The following FAM222B variants were observed in gnomAD, a reference collection of about 807,000 sequenced individuals.
FAM222B encodes the protein protein FAM222B.
In FAM222B, 12 loss-of-function variants were observed where a neutral mutation model predicts 38.0. The observed-to-expected ratio is 0.32, with a 90% CI of 0.20 to 0.51. The LOEUF is 0.51. Ranked by LOEUF, FAM222B falls within the 20% of genes least tolerant of loss-of-function variation. FAM222B has a pLI of 0.97. For synonymous variants in FAM222B, 329 were observed against 317.2 expected (o/e 1.04, Z -0.40); for missense variants, 716 against 754.2 (o/e 0.95, Z 0.59).
intron 1 of FAM222B, among the ~76,000 whole-genome samples, chr17:28,800,853 G>GAA (rs534314851): frequency 0.01 from 1,126 of 110,934 alleles, 13 homozygotes; most frequent in Middle Eastern, 0.036. Flanking sequence ...ACATTTTGTT[G>GAA]AAAAAAAAAA....
rs1403533555 is a variant in FAM222B at position 28,759,612 on chromosome 17, A to C, written c.347T>G (p.Phe116Cys). 6.2e-7 allele frequency: 1 copy of C among 1,612,946 alleles called. No individual in the cohort carries two copies. Among genetic ancestry groups the C allele is most frequent in the East Asian group, 2.2e-5 (1 of 44,856 alleles). Reference sequence around the variant, plus strand: ...GAGCAACCGGGCTCGGGTGCCGTCAAAGTCCTTGAGTATGCTTTTGGCTGG... The same window carrying C: ...GAGCAACCGGGCTCGGGTGCCGTCACAGTCCTTGAGTATGCTTTTGGCTGG... Reference protein sequence around the residue: ...KVPAKSILKDFDGTRARLLPE... With the variant: ...KVPAKSILKDCDGTRARLLPE... The change falls in exon 3 of 3, where the codon TTT (phenylalanine) becomes TGT (cysteine). Residue 116 changes from phenylalanine to cysteine, a missense_variant. By Grantham distance (205) the Phe-to-Cys change is radical. Coordinates refer to ENST00000581407, the MANE Select transcript of FAM222B (RefSeq NM_001077498.3). The surrounding 1 kb of genome is among the most constrained non-coding windows in gnomAD (Gnocchi z 4.8).
chr17:28,840,249 C>T (rs1278797318), intron 1 of FAM222B, among the ~76,000 whole-genome samples: 1 of 151,988 alleles, frequency 6.6e-6, no homozygotes, highest in African/African-American at 2.4e-5. Flanking sequence ...TGCCTGTAAT[C>T]GCAACTACTT....
At chr17:28,771,059 G>T (rs537118132) in intron 1 of FAM222B, among the ~76,000 whole-genome samples, 1 of 149,972 alleles carries the variant, frequency 6.7e-6, no homozygotes, top group Non-Finnish European at 1.5e-5. Flanking sequence ...TCCCTAGCTA[G>T]TAAGAGTCCC....
At chr17:28,767,467 C>CATTT (rs1420877559) in intron 1 of FAM222B, among the ~76,000 whole-genome samples, 2 of 150,224 alleles carry the variant, frequency 1.3e-5, no homozygotes, top group African/African-American at 4.9e-5. Flanking sequence ...CATGAACTTA[C>CATTT]ATTTATTTAC....
chr17:28,851,280 C>A (rs1478494249), intron 1 of FAM222B, among the ~76,000 whole-genome samples: 1 of 151,806 alleles, frequency 6.6e-6, no homozygotes, highest in Non-Finnish European at 1.5e-5. Flanking sequence ...CACCTGTAAG[C>A]CCAGCACTTT....
intron 1 of FAM222B, among the ~76,000 whole-genome samples, chr17:28,838,716 G>A (rs1302902803): frequency 1.3e-5 from 2 of 151,588 alleles, no homozygotes; most frequent in Non-Finnish European, 2.9e-5. Flanking sequence ...AGACTAGCCT[G>A]GCCAACATGG....
At chr17:28,784,425 A>G (rs1047166076) in intron 1 of FAM222B, among the ~76,000 whole-genome samples, 2 of 137,474 alleles carry the variant, frequency 1.5e-5, no homozygotes, top group Non-Finnish European at 3.1e-5. Context: ...GCAGTGTGCC[A>G]TAGTGACACC....
intron 2 of FAM222B, among the ~76,000 whole-genome samples, chr17:28,766,065 A>G (rs906111420): frequency 1.3e-5 from 2 of 152,130 alleles, no homozygotes; most frequent in South Asian, 2.1e-4. Context: ...ATATATATAT[A>G]TATTTCCCCT....
chr17:28,786,110 G>C (rs1324632640), intron 1 of FAM222B, among the ~76,000 whole-genome samples: 1 of 151,964 alleles, frequency 6.6e-6, no homozygotes, highest in African/African-American at 2.4e-5. Context: ...GGGATTACAG[G>C]TGTGAGCCAC....
At chr17:28,824,648 C>G (rs2087866969) in intron 1 of FAM222B, among the ~76,000 whole-genome samples, 1 of 152,208 alleles carries the variant, frequency 6.6e-6, no homozygotes, top group African/African-American at 2.4e-5. Context: ...GTCAACTTCA[C>G]TTCCAAAAGA....
Position 28,759,680 on chromosome 17 carries a change from T to C in FAM222B, c.279A>G (p.Thr93=), listed in dbSNP as rs1447123923. The change falls in exon 3 of 3, where the codon ACA becomes ACG. Residue 93 remains threonine, a synonymous_variant. Transcript: ENST00000581407. The surrounding 1 kb of genome is among the most constrained non-coding windows in gnomAD (Gnocchi z 4.8). ...GCAGGCCTGCCTTGGTGGCAGCCTG[T>C]GTCGGGTAGGGGCTGTAGCGCTGGG... ...TSAQRYSPYP[T]QAATKAGLLA... The C allele has an allele frequency of 3.1e-6, 5 of 1,613,712 alleles. No individual in the cohort carries two copies. The East Asian group carries it at 1.1e-4, about 36-fold the overall frequency.
intron 1 of FAM222B, among the ~76,000 whole-genome samples, chr17:28,773,832 A>G (rs542918544): frequency 6.6e-6 from 1 of 152,126 alleles, no homozygotes; most frequent in South Asian, 2.1e-4. Context: ...TCCATTTGTC[A>G]TCCTTTCCAG....
At chr17:28,807,053 T>C (rs775981152) in intron 1 of FAM222B, among the ~76,000 whole-genome samples, 2 of 152,136 alleles carry the variant, frequency 1.3e-5, no homozygotes, top group African/African-American at 4.8e-5. Context: ...TTCGTTCCTG[T>C]TGCCCAGGCT....
chr17:28,770,825 C>T (rs1597868356), intron 1 of FAM222B, among the ~76,000 whole-genome samples: 1 of 152,088 alleles, frequency 6.6e-6, no homozygotes, highest in Non-Finnish European at 1.5e-5. Context: ...CCGCCTCAGC[C>T]TCCCAAAGTG....
rs2034938579 is a variant in FAM222B, at chr17:28,759,383, CTGCTGGAGGCTCTGAGGG to C, written c.558_575del (p.His186_Gln191del). On this transcript the variant is annotated inframe_deletion, in exon 3 of 3. Transcript: ENST00000581407. The surrounding 1 kb of genome is among the most constrained non-coding windows in gnomAD (Gnocchi z 4.8). Reference sequence around the variant, plus strand: ...GCTGAGGGTGGCCCAGGCCCTGAGGCTGCTGGAGGCTCTGAGGGTGGGACAGTGCCTGGGGTGGCGGGA... The same window carrying C: ...GCTGAGGGTGGCCCAGGCCCTGAGGCTGGGACAGTGCCTGGGGTGGCGGGA... 2 of 1,605,270 alleles carry C rather than the reference CTGCTGGAGGCTCTGAGGG, an allele frequency of 1.2e-6. No individual in the cohort carries two copies. The highest frequency in any genetic ancestry group is 1.7e-6 in the Non-Finnish European group (2 of 1,176,810).
chr17:28,803,872 C>A (rs1186538598), intron 1 of FAM222B, among the ~76,000 whole-genome samples: 2 of 151,840 alleles, frequency 1.3e-5, no homozygotes, highest in African/African-American at 4.8e-5. Flanking sequence ...ATCCCAACTA[C>A]TTGGGAGGCT....
chr17:28,797,966 AG>A (rs1464684355), intron 1 of FAM222B, among the ~76,000 whole-genome samples: 20 of 152,014 alleles, frequency 1.3e-4, no homozygotes, highest in Admixed American at 1.3e-3. Flanking sequence ...CTGAGATGGG[AG>A]GATCACTTGA....
At chr17:28,845,356 G>A (rs1208514628), upstream of FAM222B, among the ~76,000 whole-genome samples, 2 of 151,402 alleles carry the variant, frequency 1.3e-5, no homozygotes, top group Non-Finnish European at 2.9e-5. Context: ...AGCCAAGACG[G>A]TGCCACTGCA....
chr17:28,770,954 G>A (rs748746881), intron 1 of FAM222B, among the ~76,000 whole-genome samples: 13 of 149,574 alleles, frequency 8.7e-5, no homozygotes, highest in Non-Finnish European at 1.2e-4. Flanking sequence ...ATATATATAT[G>A]TGTGTGTGTA....
Sources: allele counts gnomAD v4.1 joint callset (sites outside exome capture counted in the v4.1 genomes callset), GRCh38; gene constraint gnomAD v4.1.1; non-coding constraint Gnocchi (gnomAD v3.1); transcripts MANE v1.5; gene names NCBI Gene and HGNC (gene_info 2026-07-23, HGNC 2026-07-21).